The following DGKI variants were observed in gnomAD, a reference collection of about 807,000 sequenced individuals.
DGKI encodes DAG kinase iota.
A neutral mutation model predicts 147.5 loss-of-function variants in DGKI; 55 were observed. The observed-to-expected ratio is 0.37, with a 90% confidence interval of 0.30 to 0.47. DGKI has a LOEUF of 0.47. DGKI is among the 20% of genes least tolerant of loss of function. The pLI is 1.00. For missense variants in DGKI, 1,007 were observed against 1,323.8 expected (o/e 0.76, Z 3.71); for synonymous variants, 469 against 477.1 (o/e 0.98, Z 0.22).
At chr7:137,815,064 TA>T (rs201092080) in intron 1 of DGKI, among the ~76,000 whole-genome samples, 54 of 144,706 alleles carry the variant, frequency 3.7e-4, no homozygotes, top group East Asian at 3.0e-3. Context: ...CAGGAAAAAA[TA>T]AAAAAAAAAA....
chr7:137,617,376 G>C (rs1330512434), intron 8 of DGKI, among the ~76,000 whole-genome samples: 5 of 151,920 alleles, frequency 3.3e-5, no homozygotes, highest in Admixed American at 6.6e-5. Flanking sequence ...GTCAACAAAA[G>C]GCAGTTGTGA....
chr7:137,635,761 A>G (rs1333279124), intron 6 of DGKI, among the ~76,000 whole-genome samples: 1 of 152,206 alleles, frequency 6.6e-6, no homozygotes, highest in Non-Finnish European at 1.5e-5. Context: ...TAAATCTATG[A>G]TCATTTCATG....
chr7:137,627,673 A>T (rs1820991380), intron 6 of DGKI, among the ~76,000 whole-genome samples: 1 of 152,242 alleles, frequency 6.6e-6, no homozygotes, highest in South Asian at 2.1e-4. Context: ...GCAAGACAGC[A>T]GTAGTAGCCA....
Position 137,581,849 on chromosome 7 carries a change from C to T in DGKI, c.1642+1G>A. On this transcript the variant is annotated splice_donor_variant, in intron 15 of 32. Coordinates refer to ENST00000614521, the MANE Select transcript of DGKI (RefSeq NM_001321708.2). LOFTEE classifies it high-confidence loss of function. Reference sequence around the variant, plus strand: ...AGATGGAAATGGGACGTTGTCCTCACCTCTGGATTCATGGAACTCCAGTGT... The same window carrying T: ...AGATGGAAATGGGACGTTGTCCTCATCTCTGGATTCATGGAACTCCAGTGT... 1 of 1,612,348 alleles carries T rather than the reference C, an allele frequency of 6.2e-7. No homozygotes were observed. The highest frequency in any genetic ancestry group is 8.5e-7 in the Non-Finnish European group (1 of 1,178,514).
intron 1 of DGKI, among the ~76,000 whole-genome samples, chr7:137,807,132 CA>C (rs1797401870): frequency 6.6e-6 from 1 of 152,182 alleles, no homozygotes; most frequent in African/African-American, 2.4e-5. Context: ...TTTTGCGTCA[CA>C]AGTCTATCTG....
intron 29 of DGKI, 131 bp from the exon 30 acceptor site, chr7:137,408,126 A>G: frequency 1.9e-6 from 2 of 1,069,012 alleles, no homozygotes; most frequent in South Asian, 3.2e-5. Context: ...GAGAAAAGTC[A>G]AAAAGGTGAA....
intron 19 of DGKI, among the ~76,000 whole-genome samples, chr7:137,563,030 C>T (rs1563086863): frequency 6.6e-6 from 1 of 152,012 alleles, no homozygotes; most frequent in Non-Finnish European, 1.5e-5. Flanking sequence ...TATTAGTAAA[C>T]TGTATCTAGC....
At chr7:137,599,059 T>C (rs71541362) in intron 11 of DGKI, among the ~76,000 whole-genome samples, 1 of 152,212 alleles carries the variant, frequency 6.6e-6, no homozygotes, top group Admixed American at 6.5e-5. Context: ...TCTGATATTG[T>C]TACTTATTAA....
intron 1 of DGKI, chr7:137,722,198 G>A: frequency 1.2e-6 from 2 of 1,600,614 alleles, no homozygotes; most frequent in Admixed American, 1.7e-5. Context: ...ATGTACAAGA[G>A]GAAGTACTCA....
chr7:137,496,455 A>T (rs961447863), intron 21 of DGKI, among the ~76,000 whole-genome samples: 1 of 152,078 alleles, frequency 6.6e-6, no homozygotes, highest in Non-Finnish European at 1.5e-5. Flanking sequence ...ATTAGAACAA[A>T]CTATTTTAAA....
chr7:137,831,462 C>A (rs370176803), intron 1 of DGKI, among the ~76,000 whole-genome samples: 1 of 152,126 alleles, frequency 6.6e-6, no homozygotes, highest in Non-Finnish European at 1.5e-5. Context: ...GATGGTAGCA[C>A]GCAAAGAGAG....
intron 1 of DGKI, among the ~76,000 whole-genome samples, chr7:137,748,598 C>T (rs868286321): frequency 3.0e-4 from 45 of 152,180 alleles, no homozygotes; most frequent in African/African-American, 1.0e-3. Flanking sequence ...TCACAGTCCT[C>T]TTACAGTCTA....
At chr7:137,813,796 G>C (rs1476040951) in intron 1 of DGKI, among the ~76,000 whole-genome samples, 2 of 152,114 alleles carry the variant, frequency 1.3e-5, no homozygotes, top group African/African-American at 4.8e-5. Context: ...TCTCCAAATT[G>C]AATCTTTGAA....
intron 1 of DGKI, among the ~76,000 whole-genome samples, chr7:137,812,738 A>G (rs1423277872): frequency 6.6e-6 from 1 of 152,200 alleles, no homozygotes; most frequent in Non-Finnish European, 1.5e-5. Context: ...CACTTGCCTG[A>G]CTCCACAGAC....
chr7:137,515,971 A>G (rs749828427), intron 21 of DGKI, among the ~76,000 whole-genome samples: 1 of 152,114 alleles, frequency 6.6e-6, no homozygotes, highest in Non-Finnish European at 1.5e-5. Context: ...ACTTGCAAAA[A>G]GGAAGGACAA....
chr7:137,532,132 T>C (rs1817361860), intron 20 of DGKI, among the ~76,000 whole-genome samples: 1 of 152,114 alleles, frequency 6.6e-6, no homozygotes. Context: ...AAACAGATAT[T>C]GCTATCTTAA....
At chr7:137,710,087 GAA>G (rs745552647) in intron 1 of DGKI, among the ~76,000 whole-genome samples, 13 of 152,104 alleles carry the variant, frequency 8.5e-5, no homozygotes, top group Non-Finnish European at 1.6e-4. Context: ...AGAGAGAATT[GAA>G]GAGAGAATTG....
chr7:137,474,409 G>A (rs1262531200), intron 23 of DGKI, among the ~76,000 whole-genome samples: 2 of 151,988 alleles, frequency 1.3e-5, no homozygotes, highest in Non-Finnish European at 2.9e-5. Context: ...GCCAGTAATC[G>A]GTAAAACAAG....
intron 1 of DGKI, among the ~76,000 whole-genome samples, chr7:137,765,202 T>C (rs1406070316): frequency 1.3e-5 from 2 of 152,216 alleles, no homozygotes; most frequent in Non-Finnish European, 2.9e-5. Context: ...ATTTAGTGGC[T>C]TATACTGAGC....
Sources: allele counts gnomAD v4.1 joint callset (sites outside exome capture counted in the v4.1 genomes callset), GRCh38; gene constraint gnomAD v4.1.1; transcripts MANE v1.5; gene names NCBI Gene and HGNC (gene_info 2026-07-23, HGNC 2026-07-21).